The following TMTC1 variants were observed in gnomAD, a reference collection of about 807,000 sequenced individuals.
TMTC1 encodes transmembrane O-mannosyltransferase targeting cadherins 1.
In TMTC1, 73 loss-of-function variants were observed where a neutral mutation model predicts 104.8. The observed-to-expected ratio is 0.70, with a 90% CI of 0.58 to 0.85. The LOEUF (loss-of-function observed/expected upper bound fraction) is 0.85. Ranked by LOEUF, TMTC1 falls within the 40% of genes least tolerant of loss-of-function variation. The pLI is 0.00. For synonymous variants in TMTC1, 434 were observed against 428.7 expected (o/e 1.01, Z -0.15); for missense variants, 1,035 against 1,096.1 (o/e 0.94, Z 0.79).
In TMTC1 at chr12:29,515,310, A is replaced by T. The variant is rs2136143146; in HGVS notation, c.2308-706T>A. ...CTGCAGCCAAAGATCCCTTCAAAGC[A>T]AATATCTGATCATGTTCCTCCTCTC... On this transcript the variant is annotated intron_variant, in intron 15 of 17. Coordinates refer to ENST00000539277, the MANE Select transcript of TMTC1 (RefSeq NM_001193451.2). Among the ~76,000 whole-genome samples, 2 of 152,166 alleles carry T rather than the reference A, an allele frequency of 1.3e-5. 1 individual carries two copies.
At chr12:29,619,068 A>G (rs1471526804) in intron 6 of TMTC1, among the ~76,000 whole-genome samples, 1 of 152,178 alleles carries the variant, frequency 6.6e-6, no homozygotes, top group Non-Finnish European at 1.5e-5. Context: ...ATCACAAAGC[A>G]TACAAATCAG....
At chr12:29,724,655 T>C (rs1483696383) in intron 5 of TMTC1, among the ~76,000 whole-genome samples, 1 of 152,098 alleles carries the variant, frequency 6.6e-6, no homozygotes, top group African/African-American at 2.4e-5. Context: ...AAATAGCAAG[T>C]CACCAAATTA....
intron 5 of TMTC1, among the ~76,000 whole-genome samples, chr12:29,650,411 C>T (rs535885348): frequency 7.9e-5 from 12 of 152,148 alleles, no homozygotes; most frequent in African/African-American, 2.9e-4. Flanking sequence ...ATTTTGACTT[C>T]TGTGAACTGT....
chr12:29,548,973 A>G (rs1945023067), intron 10 of TMTC1, among the ~76,000 whole-genome samples: 1 of 145,346 alleles, frequency 6.9e-6, no homozygotes, highest in African/African-American at 2.5e-5. Context: ...TAAATAAATT[A>G]AATATATAAA....
chr12:29,623,995 G>GT lies in TMTC1; in HGVS notation c.1128+9151dup, dbSNP rs558879315. Reference sequence around the variant, plus strand: ...GATTCTCTGTCTTGTTTTTGTTTTTGTTTTTTGAGATGGAGTCTCTGTTGC... The same window carrying GT: ...GATTCTCTGTCTTGTTTTTGTTTTTGTTTTTTTGAGATGGAGTCTCTGTTGC... On this transcript the variant is annotated intron_variant, in intron 6 of 17. Transcript: ENST00000539277. Among the ~76,000 whole-genome samples the GT allele has an allele frequency of 6.6e-5, 10 of 151,906 alleles. No homozygotes were observed. The South Asian group carries it at 1.7e-3, about 25-fold the overall frequency.
intron 5 of TMTC1, among the ~76,000 whole-genome samples, chr12:29,664,027 A>C (rs912097591): frequency 2.0e-5 from 3 of 151,486 alleles, no homozygotes; most frequent in Non-Finnish European, 2.9e-5. Flanking sequence ...CTCTACTAAA[A>C]ATACAAAAAA....
At chr12:29,521,386 A>G (rs1312119274) in intron 11 of TMTC1, among the ~76,000 whole-genome samples, 2 of 152,030 alleles carry the variant, frequency 1.3e-5, no homozygotes. Context: ...CAACAGGTTT[A>G]TATGTCCCCT....
At chr12:29,554,528 A>G (rs1334697563) in intron 10 of TMTC1, among the ~76,000 whole-genome samples, 1 of 152,216 alleles carries the variant, frequency 6.6e-6, no homozygotes, top group East Asian at 1.9e-4. Context: ...AGAAAATTAC[A>G]AATTGTAGAC....
intron 2 of TMTC1, among the ~76,000 whole-genome samples, chr12:29,759,164 A>G (rs879307318): frequency 2.6e-5 from 4 of 152,210 alleles, no homozygotes; most frequent in Non-Finnish European, 5.9e-5. Flanking sequence ...CAATATTTTT[A>G]GAGAACTAGA....
intron 5 of TMTC1, among the ~76,000 whole-genome samples, chr12:29,689,382 T>C (rs1941196469): frequency 6.6e-6 from 1 of 152,028 alleles, no homozygotes; most frequent in South Asian, 2.1e-4. Context: ...TGGCATGATA[T>C]CAGCTCACTG....
chr12:29,631,119 T>C (rs1029173670), intron 6 of TMTC1, among the ~76,000 whole-genome samples: 2 of 152,220 alleles, frequency 1.3e-5, no homozygotes, highest in African/African-American at 4.8e-5. Flanking sequence ...TTGTTAATCT[T>C]GAGTTTTAAG....
At chr12:29,574,363 T>C (rs1195688573) in intron 8 of TMTC1, among the ~76,000 whole-genome samples, 4 of 152,168 alleles carry the variant, frequency 2.6e-5, no homozygotes, top group African/African-American at 9.7e-5. Flanking sequence ...GGGCCAGTTT[T>C]TTTTGTTTTT....
chr12:29,744,660 C>T (rs1942906338), intron 5 of TMTC1, among the ~76,000 whole-genome samples: 1 of 152,134 alleles, frequency 6.6e-6, no homozygotes, highest in South Asian at 2.1e-4. Context: ...AGATCCTTCT[C>T]AATTAATGGT....
At chr12:29,568,416 GA>G (rs1219894608) in intron 9 of TMTC1, among the ~76,000 whole-genome samples, 2 of 152,130 alleles carry the variant, frequency 1.3e-5, no homozygotes, top group Non-Finnish European at 2.9e-5. Context: ...GACTGGAGGA[GA>G]AAAATCAGAA....
rs777902718 is a variant in TMTC1 at position 29,783,400 on chromosome 12, G to C, written c.302+50C>G. ...GCAACTTCTCCCGGTCCGAGGGACG[G>C]GCGGAGGGTAGAGGAGGCAGCGGCG... On this transcript the variant is annotated intron_variant, in intron 1 of 17. Coordinates refer to ENST00000539277, the MANE Select transcript of TMTC1 (RefSeq NM_001193451.2). This position sits in a 1 kb window ranked among gnomAD's most constrained non-coding sequence, Gnocchi z 4.7. The C allele has an allele frequency of 3.2e-6, 4 of 1,266,066 alleles. No individual in the cohort carries two copies. The highest frequency in any genetic ancestry group is 4.0e-6 in the Non-Finnish European group (4 of 1,003,132). The allele number at this position is 1,266,066 out of a possible 1,614,324, so 78.4% of individuals were successfully genotyped here. A position where few individuals can be genotyped will look rare whatever the true frequency, so the allele number is the denominator to read the frequency against.
At position 29,660,757 on chromosome 12, in the gene TMTC1, CT is replaced by C. The variant is rs1341175864; in HGVS notation, c.939-27422del. 3 of 710,890 alleles carry C rather than the reference CT, an allele frequency of 4.2e-6. No homozygotes were observed. The African/African-American group carries it at 5.7e-5, about 13-fold the overall frequency. 44.0% of individuals were successfully genotyped at this position (710,890 alleles called of 1,614,324 possible). A position where few individuals can be genotyped will look rare whatever the true frequency, so the allele number is the denominator to read the frequency against. ...GAGCTGAGATAGAGTGGAAACATTC[CT>C]TATCAGATATTTCAAAAGTATATAT... On this transcript the variant is annotated intron_variant, in intron 5 of 17. Coordinates refer to ENST00000539277, the MANE Select transcript of TMTC1 (RefSeq NM_001193451.2).
At chr12:29,611,761 G>C (rs1946851768) in intron 6 of TMTC1, among the ~76,000 whole-genome samples, 1 of 152,172 alleles carries the variant, frequency 6.6e-6, no homozygotes, top group African/African-American at 2.4e-5. Flanking sequence ...TGAAAGTCTG[G>C]TTTAACTTAC....
At chr12:29,693,811 G>A (rs1311629579) in intron 5 of TMTC1, among the ~76,000 whole-genome samples, 1 of 152,058 alleles carries the variant, frequency 6.6e-6, no homozygotes, top group East Asian at 1.9e-4. Flanking sequence ...AAGTCTGACA[G>A]CCAGGGTTGA....
chr12:29,511,906 A>G, intron 17 of TMTC1, 137 bp downstream of exon 17: 1 of 865,544 alleles, frequency 1.2e-6, no homozygotes, highest in Non-Finnish European at 2.0e-6. Flanking sequence ...TTTCACTTTT[A>G]AACTGCCATA....
Sources: gnomAD v4.1 joint callset for allele counts (sites outside exome capture counted in the v4.1 genomes callset) on GRCh38, gnomAD v4.1.1 for gene constraint, Gnocchi (gnomAD v3.1) non-coding constraint, MANE v1.5 for transcripts, NCBI Gene and HGNC (gene_info 2026-07-23, HGNC 2026-07-21) for gene names.